ZNF565: variants seen among roughly 807,000 people sequenced by gnomAD.
ZNF565 encodes the protein zinc finger protein 565.
Under a neutral mutation model 39.4 loss-of-function variants are expected in ZNF565, and 27 were observed. The observed-to-expected ratio is 0.69, with a 90% CI of 0.51 to 0.95. The LOEUF is 0.95. ZNF565 is among the 40% of genes least tolerant of loss of function. The pLI is 0.00. For missense variants in ZNF565, 524 were observed against 621.1 expected, an observed-to-expected ratio of 0.84 and a Z score of 1.66; for synonymous variants, 185 against 216.6, an observed-to-expected ratio of 0.85 and a Z score of 1.28.
At chr19:36,226,977 G>A (rs541995847) in intron 1 of ZNF565, among the ~76,000 whole-genome samples, 32 of 152,238 alleles carry the variant, frequency 2.1e-4, no homozygotes, top group South Asian at 1.7e-3. Context: ...CAGCTGCTCC[G>A]GAGGCTGAGA....
At chr19:36,200,328 G>A (rs1568418557) in intron 2 of ZNF565, among the ~76,000 whole-genome samples, 2 of 151,842 alleles carry the variant, frequency 1.3e-5, no homozygotes, top group South Asian at 2.1e-4. Context: ...ATCCAGCCGA[G>A]AAATTTTAAA....
intron 1 of ZNF565, among the ~76,000 whole-genome samples, chr19:36,224,670 T>C (rs1976996059): frequency 6.6e-6 from 1 of 152,228 alleles, no homozygotes; most frequent in African/African-American, 2.4e-5. Flanking sequence ...AGGATTAGCT[T>C]GTCTCGTTCC....
At chr19:36,184,090 A>C (rs1158110327) in intron 4 of ZNF565, among the ~76,000 whole-genome samples, 11 of 149,450 alleles carry the variant, frequency 7.4e-5, no homozygotes, top group Non-Finnish European at 1.5e-4. Flanking sequence ...AAAAAAAAAA[A>C]AAAAAAAAAA....
chr19:36,222,355 A>G (rs1318365796), intron 1 of ZNF565, among the ~76,000 whole-genome samples: 1 of 152,192 alleles, frequency 6.6e-6, no homozygotes, highest in Non-Finnish European at 1.5e-5. Context: ...GATTGTTTCC[A>G]GTCTTCTGCT....
At chr19:36,236,425 G>A (rs1268842629) in intron 1 of ZNF565, 1 of 1,570,060 alleles carries the variant, frequency 6.4e-7, no homozygotes, top group Non-Finnish European at 8.6e-7. Flanking sequence ...GTGAATGTGG[G>A]AAAGCTTCCA....
chr19:36,200,958 A>AAT (rs1030620667), intron 2 of ZNF565, among the ~76,000 whole-genome samples: 5 of 151,968 alleles, frequency 3.3e-5, no homozygotes, highest in East Asian at 1.9e-4. Flanking sequence ...CAGCCATATA[A>AAT]ATATATATAT....
intron 4 of ZNF565, among the ~76,000 whole-genome samples, chr19:36,189,269 A>G (rs1975434805): frequency 6.6e-6 from 1 of 152,056 alleles, no homozygotes; most frequent in Admixed American, 6.6e-5. Context: ...AGCCTGGGCA[A>G]CAGAGCCAGA....
chr19:36,220,371 T>A lies in ZNF565; in HGVS notation c.56-18321A>T, dbSNP rs182839945. 1.1e-3 allele frequency among the ~76,000 whole-genome samples: 160 copies of A among 145,578 alleles called. 8 individuals are homozygous for A. The highest frequency in any genetic ancestry group is 7.3e-3 in the Middle Eastern group (2 of 274). On this transcript the variant is annotated intron_variant, in intron 1 of 4. Transcript: ENST00000355114. Reference sequence around the variant, plus strand: ...CTAGTTCTTTTTTTTAATTTAATTTTATTTTATTTTTGAGACGGAGTCTTG... The same window carrying A: ...CTAGTTCTTTTTTTTAATTTAATTTAATTTTATTTTTGAGACGGAGTCTTG...
intron 1 of ZNF565, chr19:36,237,099 CCTT>C (rs1379656485): frequency 6.2e-7 from 1 of 1,614,166 alleles, no homozygotes; most frequent in Non-Finnish European, 8.5e-7. Context: ...TGTGGAAAAG[CCTT>C]CTCTCAGAGC....
chr19:36,205,664 T>C (rs1021878282), intron 1 of ZNF565, among the ~76,000 whole-genome samples: 3 of 152,132 alleles, frequency 2.0e-5, no homozygotes, highest in South Asian at 2.1e-4. Flanking sequence ...GTCAGAAAGA[T>C]TGACTGAGAG....
chr19:36,244,422 C>T (rs150311999), intron 1 of ZNF565, among the ~76,000 whole-genome samples: 14 of 152,168 alleles, frequency 9.2e-5, no homozygotes, highest in Non-Finnish European at 2.1e-4. Flanking sequence ...GTGGTGGGTA[C>T]CTGTCATCCC....
In ZNF565 at chr19:36,220,440, C is replaced by T. The variant is rs550981060; in HGVS notation, c.56-18390G>A. On this transcript the variant is annotated intron_variant, in intron 1 of 4. Coordinates refer to the ZNF565 transcript ENST00000355114. ...AGTGCAGTGGCACGATCTCAGCTCA[C>T]TGCAATCTCCGCCTCCTGGGTTCAA... Among the ~76,000 whole-genome samples the T allele has an allele frequency of 1.1e-4, 17 of 152,100 alleles. No individual in the cohort carries two copies. In the East Asian group the frequency reaches 3.3e-3, roughly 29 times the overall value.
intron 4 of ZNF565, among the ~76,000 whole-genome samples, chr19:36,186,931 C>T (rs1226501835): frequency 1.3e-5 from 2 of 152,120 alleles, no homozygotes; most frequent in Non-Finnish European, 2.9e-5. Context: ...TGACTCATGC[C>T]TGCAACCCCA....
intron 1 of ZNF565, among the ~76,000 whole-genome samples, chr19:36,244,868 G>C (rs1476795918): frequency 1.9e-5 from 2 of 105,374 alleles, no homozygotes. Context: ...AAAAAAAAAA[G>C]GAATTGTCGA....
At chr19:36,236,405 G>T (rs767142124) in intron 1 of ZNF565, 1 of 1,555,738 alleles carries the variant, frequency 6.4e-7, no homozygotes, top group Non-Finnish European at 8.7e-7. Context: ...TTTTACTGGA[G>T]AGAAACCTTG....
intron 1 of ZNF565, among the ~76,000 whole-genome samples, chr19:36,227,525 A>G (rs140269834): frequency 1.8e-3 from 275 of 151,724 alleles, no homozygotes; most frequent in African/African-American, 5.7e-3. Context: ...CTGGTACTGC[A>G]TGTGCACACC....
At chr19:36,202,188 A>G (rs1319261088) in intron 1 of ZNF565, 138 bp from the exon 2 acceptor site, 2 of 617,596 alleles carry the variant, frequency 3.2e-6, no homozygotes, top group African/African-American at 3.7e-5. Context: ...ATGTCCTACC[A>G]CACAAGAACT....
At chr19:36,214,680 T>A (rs1483425953), upstream of ZNF565, 1 of 152,722 alleles carries the variant, frequency 6.5e-6, no homozygotes, top group Non-Finnish European at 1.5e-5. Context: ...CGCCACGACG[T>A]CAAGAACGAC....
intron 2 of ZNF565, among the ~76,000 whole-genome samples, chr19:36,198,938 T>C (rs536194172): frequency 6.6e-6 from 1 of 152,260 alleles, no homozygotes; most frequent in Admixed American, 6.5e-5. Flanking sequence ...AACTGGATTG[T>C]TTATAACTCA....
Sources: allele counts gnomAD v4.1 joint callset (sites outside exome capture counted in the v4.1 genomes callset), GRCh38; gene constraint gnomAD v4.1.1; transcripts MANE v1.5; gene names NCBI Gene and HGNC (gene_info 2026-07-23, HGNC 2026-07-21).